NPFFR2: variants seen among roughly 807,000 people sequenced by gnomAD.
The protein encoded by NPFFR2 is G-protein coupled receptor 74.
In NPFFR2, 15 loss-of-function variants were observed where a neutral mutation model predicts 13.1. That is an observed-to-expected ratio of 1.15 (90% CI 0.77 to 1.76). NPFFR2 has a LOEUF of 1.76. Ranked by LOEUF, NPFFR2 falls within the 40% of genes most tolerant of loss-of-function variation. The pLI is 0.00. For missense variants in NPFFR2, 572 were observed against 503.5 expected (o/e 1.14, Z -1.30); for synonymous variants, 190 against 175.7 (o/e 1.08, Z -0.65).
chr4:72,070,249 T>C (rs1204987744), intron 1 of NPFFR2, among the ~76,000 whole-genome samples: 1 of 152,156 alleles, frequency 6.6e-6, no homozygotes, highest in Non-Finnish European at 1.5e-5. Flanking sequence ...ATAAGAATTA[T>C]TATAGTTTTT....
In NPFFR2 at chr4:72,133,604, G is replaced by C. The variant is rs868360969; in HGVS notation, c.329-4436G>C. On this transcript the variant is annotated intron_variant, in intron 2 of 3. Transcript: ENST00000308744. Reference sequence around the variant, plus strand: ...TCTATAAATTGCTTTGGGCAGTATGGCCATTTTCATGATATTGATTCTTCC... The same window carrying C: ...TCTATAAATTGCTTTGGGCAGTATGCCCATTTTCATGATATTGATTCTTCC... Among the ~76,000 whole-genome samples, 13 of 152,178 alleles carry C rather than the reference G, an allele frequency of 8.5e-5. No individual in the cohort carries two copies. The South Asian group carries it at 1.4e-3, about 17-fold the overall frequency.
chr4:72,086,245 C>T (rs771246959), intron 1 of NPFFR2, among the ~76,000 whole-genome samples: 5 of 151,920 alleles, frequency 3.3e-5, no homozygotes, highest in Non-Finnish European at 7.4e-5. Flanking sequence ...CTAGCGAAGT[C>T]CATAAAAAAA....
At chr4:72,135,094 C>T (rs1436873801) in intron 2 of NPFFR2, among the ~76,000 whole-genome samples, 1 of 152,246 alleles carries the variant, frequency 6.6e-6, no homozygotes, top group Admixed American at 6.5e-5. Context: ...TCTATTGCTA[C>T]TGCTATAAAA....
chr4:72,145,874 T>C (rs1330759337), intron 3 of NPFFR2, among the ~76,000 whole-genome samples: 1 of 152,136 alleles, frequency 6.6e-6, no homozygotes, highest in Non-Finnish European at 1.5e-5. Flanking sequence ...AAATATAAAA[T>C]GTTACACAGT....
intron 3 of NPFFR2, among the ~76,000 whole-genome samples, chr4:72,139,946 G>A (rs975942718): frequency 4.6e-5 from 7 of 152,152 alleles, no homozygotes; most frequent in Non-Finnish European, 1.0e-4. Context: ...GCAGTGGTTT[G>A]TAGTTCTCCT....
chr4:72,128,532 A>G, intron 1 of NPFFR2, 53 bp from the exon 2 acceptor site: 1 of 1,129,016 alleles, frequency 8.9e-7, no homozygotes, highest in South Asian at 1.6e-5. Flanking sequence ...CACAGAATTT[A>G]TGCTTTACTG....
chr4:72,077,301 A>G (rs1720475396), intron 1 of NPFFR2, among the ~76,000 whole-genome samples: 1 of 152,154 alleles, frequency 6.6e-6, no homozygotes, highest in African/African-American at 2.4e-5. Flanking sequence ...TTGTTTCTAC[A>G]TAATATTTTA....
At chr4:72,133,871 A>T (rs1032493500) in intron 2 of NPFFR2, among the ~76,000 whole-genome samples, 9 of 152,018 alleles carry the variant, frequency 5.9e-5, no homozygotes, top group African/African-American at 1.9e-4. Context: ...TTACCCTGAG[A>T]CTTTTAGGAA....
At chr4:72,054,098 C>A (rs1416437937) in intron 1 of NPFFR2, among the ~76,000 whole-genome samples, 1 of 151,824 alleles carries the variant, frequency 6.6e-6, no homozygotes, top group Admixed American at 6.6e-5. Flanking sequence ...TCTATAGATT[C>A]AATCCAACAA....
chr4:72,117,516 A>C (rs1014306573), intron 1 of NPFFR2, among the ~76,000 whole-genome samples: 2 of 152,202 alleles, frequency 1.3e-5, no homozygotes, highest in African/African-American at 4.8e-5. Context: ...GATGTGCACA[A>C]TTGGCTCTCA....
chr4:72,032,018 C>CG lies in NPFFR2; in HGVS notation c.-188dup. The CG allele has an allele frequency of 6.2e-7, 1 of 1,613,740 alleles. No individual in the cohort carries two copies. Among genetic ancestry groups the CG allele is most frequent in the South Asian group, 1.1e-5 (1 of 91,016 alleles). On this transcript the variant is annotated 5_prime_UTR_variant, in exon 1 of 4. Coordinates refer to ENST00000308744, the MANE Select transcript of NPFFR2 (RefSeq NM_004885.3). ...GCAGAGCACTCAGCGTCCAGCAGCG[C>CG]GGCGGGCCAGCCTGGAGCGGAAGCC...
At chr4:72,096,920 C>G (rs1446817041) in intron 1 of NPFFR2, among the ~76,000 whole-genome samples, 1 of 151,866 alleles carries the variant, frequency 6.6e-6, no homozygotes. Context: ...CTATGTAATA[C>G]AAATATTCTG....
At chr4:72,131,869 T>C (rs1159647242) in intron 2 of NPFFR2, among the ~76,000 whole-genome samples, 3 of 152,186 alleles carry the variant, frequency 2.0e-5, no homozygotes, top group Non-Finnish European at 4.4e-5. Context: ...TGTGTGAACA[T>C]ATTTACTAAA....
chr4:72,049,381 C>T (rs1433751209), intron 1 of NPFFR2, among the ~76,000 whole-genome samples: 3 of 151,902 alleles, frequency 2.0e-5, no homozygotes, highest in African/African-American at 7.3e-5. Context: ...TCAGTGTGAA[C>T]AATATTTTAA....
At chr4:72,144,223 A>G (rs1197584878) in intron 3 of NPFFR2, among the ~76,000 whole-genome samples, 1 of 152,076 alleles carries the variant, frequency 6.6e-6, no homozygotes, top group Non-Finnish European at 1.5e-5. Flanking sequence ...CTTTGTCTCT[A>G]TTGGTCTCTC....
At chr4:72,120,548 C>T (rs71601791) in intron 1 of NPFFR2, among the ~76,000 whole-genome samples, 5 of 152,270 alleles carry the variant, frequency 3.3e-5, no homozygotes, top group African/African-American at 9.6e-5. Flanking sequence ...GACAAAGCTT[C>T]CAGAGGAAGG....
intron 1 of NPFFR2, among the ~76,000 whole-genome samples, chr4:72,116,467 A>G (rs116805920): frequency 0.013 from 1,986 of 152,000 alleles, 49 homozygotes; most frequent in African/African-American, 0.045. Flanking sequence ...ATTGTGTACT[A>G]TGCTCACTAC....
chr4:72,147,451 A>T lies in NPFFR2; in HGVS notation c.902A>T (p.Asp301Val), dbSNP rs150345262. The change falls in exon 4 of 4, where the codon GAC becomes GTC. Residue 301 changes from aspartate (D) to valine (V), a missense_variant. Physicochemically the swap from Asp to Val is radical, Grantham distance 152. Coordinates refer to ENST00000308744, the MANE Select transcript of NPFFR2 (RefSeq NM_004885.3). ...WTLMMLSDYA[D>V]LSPNELQIIN... ...CTAATGATGCTCTCAGACTACGCTG[A>T]CCTTTCTCCAAATGAACTGCAGATC... is the stretch of plus-strand genomic sequence containing the variant. 6.2e-7 allele frequency: 1 copy of T among 1,614,068 alleles called. No homozygotes were observed. The highest frequency in any genetic ancestry group is 8.5e-7 in the Non-Finnish European group (1 of 1,180,014).
chr4:72,114,314 G>A (rs1721649610), intron 1 of NPFFR2, among the ~76,000 whole-genome samples: 1 of 152,018 alleles, frequency 6.6e-6, no homozygotes, highest in Non-Finnish European at 1.5e-5. Context: ...CCATCCAGGG[G>A]CAAGTAATCA....
Sources: allele counts gnomAD v4.1 joint callset (sites outside exome capture counted in the v4.1 genomes callset), GRCh38; gene constraint gnomAD v4.1.1; transcripts MANE v1.5; gene names NCBI Gene and HGNC (gene_info 2026-07-23, HGNC 2026-07-21).